Variants in CARMIL1 observed in about 807,000 individuals in gnomAD.
CARMIL1 encodes capping protein regulator and myosin 1 linker 1, also known as F-actin-uncapping protein LRRC16A.
Under a neutral mutation model 177.1 loss-of-function variants are expected in CARMIL1, and 90 were observed. The ratio of observed to expected loss-of-function variants is 0.51; its 90% confidence interval spans 0.43 to 0.61. The LOEUF is 0.61. Ranked by LOEUF, CARMIL1 falls within the 20% of genes least tolerant of loss-of-function variation. CARMIL1 has a pLI of 0.00. For synonymous variants in CARMIL1, 577 were observed against 606.2 expected (o/e 0.95, Z 0.71); for missense variants, 1,380 against 1,667.0 (o/e 0.83, Z 3.00).
chr6:25,548,483 A>T (rs1215389522), intron 26 of CARMIL1, among the ~76,000 whole-genome samples: 1 of 152,112 alleles, frequency 6.6e-6, no homozygotes, highest in Non-Finnish European at 1.5e-5. Context: ...ATGTTTTATC[A>T]TATGTATTGT....
At chr6:25,391,229 A>G (rs907287943) in intron 2 of CARMIL1, among the ~76,000 whole-genome samples, 2 of 152,240 alleles carry the variant, frequency 1.3e-5, no homozygotes, top group Non-Finnish European at 2.9e-5. Context: ...TCATTATAAT[A>G]GGGTAGCTGG....
At chr6:25,513,124 A>G (rs1198172485) in intron 20 of CARMIL1, among the ~76,000 whole-genome samples, 1 of 152,178 alleles carries the variant, frequency 6.6e-6, no homozygotes, top group African/African-American at 2.4e-5. Context: ...GACAGCTCGG[A>G]GAGTTGGCAG....
At chr6:25,455,742 G>A (rs1314453718) in intron 8 of CARMIL1, among the ~76,000 whole-genome samples, 2 of 152,106 alleles carry the variant, frequency 1.3e-5, no homozygotes, top group Non-Finnish European at 2.9e-5. Flanking sequence ...CTAGAAGTTT[G>A]TAACTGCCAT....
At position 25,581,439 on chromosome 6, in the gene CARMIL1, G is replaced by A. The variant is rs368235973; in HGVS notation, c.3006G>A (p.Ala1002=). ...RNKKQQPTQA[A]VCAANIVSQD... is the part of the protein sequence containing the mutation. ...AGAAGCAGCAACCCACCCAAGCAGC[G>A]GTAGGTGGACTGCAGGAGAGGCCCC... The change falls in exon 31 of 37, where the codon GCG becomes GCA. Residue 1002 remains alanine (A), a splice_region_variant and synonymous_variant. Coordinates refer to ENST00000329474, the MANE Select transcript of CARMIL1 (RefSeq NM_017640.6). 4.0e-5 allele frequency: 64 copies of A among 1,607,238 alleles called. No individual in the cohort carries two copies. Among genetic ancestry groups the A allele is most frequent in the South Asian group, 2.0e-4 (18 of 90,010 alleles).
intron 29 of CARMIL1, chr6:25,563,105 A>G (rs982001731): frequency 3.3e-5 from 12 of 365,276 alleles, no homozygotes; most frequent in East Asian, 1.7e-4. Context: ...GTTATTTACA[A>G]GCAGTCACAG....
chr6:25,449,180 G>C (rs1462368296), intron 5 of CARMIL1, among the ~76,000 whole-genome samples: 4 of 152,076 alleles, frequency 2.6e-5, no homozygotes, highest in Non-Finnish European at 5.9e-5. Flanking sequence ...CTCAGCCCTG[G>C]GGGGGTTATT....
chr6:25,471,459 A>T (rs1357166285), intron 10 of CARMIL1, among the ~76,000 whole-genome samples: 1 of 152,104 alleles, frequency 6.6e-6, no homozygotes, highest in Non-Finnish European at 1.5e-5. Flanking sequence ...TAACGGTGTC[A>T]CTTGATATTT....
At chr6:25,316,074 G>A (rs77152124) in intron 2 of CARMIL1, among the ~76,000 whole-genome samples, 3,600 of 152,338 alleles carry the variant, frequency 0.024, 60 homozygotes, top group Non-Finnish European at 0.038. Context: ...TAGTAATGAC[G>A]TTGGTGCTGA....
In CARMIL1 at chr6:25,554,186, T is replaced by G. The variant is rs1467946064; in HGVS notation, c.2592+90T>G. The G allele has an allele frequency of 9.8e-6, 9 of 917,474 alleles. No individual in the cohort carries two copies. The highest frequency in any genetic ancestry group is 1.6e-5 in the Non-Finnish European group (9 of 574,556). The allele number at this position is 917,474 out of a possible 1,614,324, so 56.8% of individuals were successfully genotyped here. Reference sequence around the variant, plus strand: ...TCCGGTGTGGGGATGTGATTTCTTTTCTGTATTTCACACTATTACAGCTTT... The same window carrying G: ...TCCGGTGTGGGGATGTGATTTCTTTGCTGTATTTCACACTATTACAGCTTT... On this transcript the variant is annotated intron_variant, in intron 28 of 36. Transcript: ENST00000329474. This position sits in a 1 kb window ranked among gnomAD's most constrained non-coding sequence, Gnocchi z 4.6.
At chr6:25,551,357 G>A (rs1372105933) in intron 27 of CARMIL1, among the ~76,000 whole-genome samples, 1 of 152,150 alleles carries the variant, frequency 6.6e-6, no homozygotes, top group Non-Finnish European at 1.5e-5. Context: ...GTACATGTTT[G>A]TAATCCCTGT....
intron 21 of CARMIL1, 78 bp from the exon 22 acceptor site, chr6:25,517,269 C>G (rs2151068572): frequency 9.6e-7 from 1 of 1,040,582 alleles, no homozygotes; most frequent in Non-Finnish European, 1.5e-6. Context: ...ACACTGCTGT[C>G]TATAAGAGGT....
At chr6:25,400,233 G>A (rs559274698) in intron 2 of CARMIL1, among the ~76,000 whole-genome samples, 3 of 152,140 alleles carry the variant, frequency 2.0e-5, no homozygotes, top group South Asian at 4.2e-4. Flanking sequence ...AACCTAGCAC[G>A]ATCCATGGTG....
rs542179051 is a variant in CARMIL1 at position 25,341,219 on chromosome 6, C to T, written c.138+56310C>T. ...ATTTACATAGCTAGTTAAGTAACTG[C>T]GCTGGGATTTAAGTTGAGGTAGTCA... On this transcript the variant is annotated intron_variant, in intron 2 of 36. Coordinates refer to ENST00000329474, the MANE Select transcript of CARMIL1 (RefSeq NM_017640.6). Among the ~76,000 whole-genome samples the T allele has an allele frequency of 1.3e-3, 198 of 152,080 alleles. 1 individual carries two copies. The highest frequency in any genetic ancestry group is 4.4e-3 in the African/African-American group (183 of 41,474).
chr6:25,280,528 C>T (rs1271954770), intron 1 of CARMIL1, among the ~76,000 whole-genome samples: 2 of 148,906 alleles, frequency 1.3e-5, no homozygotes, highest in African/African-American at 5.0e-5. Flanking sequence ...TAGGGGATCT[C>T]TTAGGGAACC....
intron 2 of CARMIL1, among the ~76,000 whole-genome samples, chr6:25,367,966 G>T (rs77925174): frequency 0.081 from 12,361 of 152,182 alleles, 510 homozygotes; most frequent in East Asian, 0.14. Context: ...CCCCATGTTG[G>T]CCAGGCTGGT....
At chr6:25,338,267 A>ATAAAAT (rs574711233) in intron 2 of CARMIL1, among the ~76,000 whole-genome samples, 8 of 151,528 alleles carry the variant, frequency 5.3e-5, no homozygotes, top group Middle Eastern at 3.4e-3. Context: ...AAAAAAAAAA[A>ATAAAAT]AATAAAATAA....
In CARMIL1 at chr6:25,619,969, A is replaced by G. The variant is rs948219840; in HGVS notation, c.*386A>G. ...AGATAAATGAAATAACTGGACACAC[A>G]CTCACACAAGTAACACCACAGCAGA... On this transcript the variant is annotated 3_prime_UTR_variant, in exon 37 of 37. Coordinates refer to ENST00000329474, the MANE Select transcript of CARMIL1 (RefSeq NM_017640.6). 1 of 158,956 alleles carries G rather than the reference A, an allele frequency of 6.3e-6. No homozygotes were observed. The allele number at this position is 158,956 out of a possible 1,614,324, so 9.8% of individuals were successfully genotyped here. A position where few individuals can be genotyped will look rare whatever the true frequency, so the allele number is the denominator to read the frequency against.
At chr6:25,533,680 C>G (rs1376554060) in intron 24 of CARMIL1, among the ~76,000 whole-genome samples, 1 of 152,092 alleles carries the variant, frequency 6.6e-6, no homozygotes, top group Non-Finnish European at 1.5e-5. Flanking sequence ...TTCTACACAA[C>G]TCTTTCTCTT....
intron 5 of CARMIL1, among the ~76,000 whole-genome samples, chr6:25,436,188 T>A (rs1232528014): frequency 6.6e-6 from 1 of 152,204 alleles, no homozygotes; most frequent in Non-Finnish European, 1.5e-5. Context: ...TACCTGAGTT[T>A]GTAGTTGGGG....
Sources: allele counts gnomAD v4.1 joint callset (sites outside exome capture counted in the v4.1 genomes callset), GRCh38; gene constraint gnomAD v4.1.1; non-coding constraint Gnocchi (gnomAD v3.1); transcripts MANE v1.5; gene names NCBI Gene and HGNC (gene_info 2026-07-23, HGNC 2026-07-21).